Variants in CWC27 observed in about 807,000 individuals in gnomAD.
The protein encoded by CWC27 is CWC27 spliceosome associated cyclophilin.
CWC27 carries 47 observed loss-of-function variants against 63.6 expected under a neutral mutation model. The observed-to-expected ratio is 0.74, with a 90% CI of 0.58 to 0.94. The LOEUF (loss-of-function observed/expected upper bound fraction) is 0.94, where lower values mean the gene tolerates loss of function less well. CWC27 is among the 40% of genes least tolerant of loss of function. The pLI, the probability that CWC27 is intolerant of heterozygous loss-of-function variation, is 0.00. For synonymous variants in CWC27, 175 were observed against 179.8 expected (o/e 0.97, Z 0.22); for missense variants, 495 against 554.3 (o/e 0.89, Z 1.07).
At chr5:64,900,842 A>G (rs975081) in intron 11 of CWC27, among the ~76,000 whole-genome samples, 62,677 of 152,018 alleles carry the variant, frequency 0.41, 14,444 homozygotes, top group African/African-American at 0.62. Context: ...CTTACTCAAA[A>G]CTAGATAGTA....
intron 13 of CWC27, among the ~76,000 whole-genome samples, chr5:64,985,899 G>C (rs1357203775): frequency 2.0e-5 from 3 of 152,092 alleles, no homozygotes; most frequent in Admixed American, 1.3e-4. Context: ...ACCAGTGTAT[G>C]GTTTGGCTCT....
chr5:64,934,655 C>A (rs755600150), intron 11 of CWC27, among the ~76,000 whole-genome samples: 15 of 152,158 alleles, frequency 9.9e-5, no homozygotes, highest in Non-Finnish European at 1.6e-4. Context: ...ATTTCTGGTT[C>A]TAGATCCTTC....
intron 7 of CWC27, among the ~76,000 whole-genome samples, chr5:64,792,874 T>C (rs1166396959): frequency 6.6e-6 from 1 of 152,148 alleles, no homozygotes; most frequent in Non-Finnish European, 1.5e-5. Context: ...TCAATTTTCC[T>C]TTCTGAACAA....
chr5:65,015,486 C>A (rs1200580439), intron 13 of CWC27, among the ~76,000 whole-genome samples: 1 of 152,150 alleles, frequency 6.6e-6, no homozygotes, highest in Non-Finnish European at 1.5e-5. Flanking sequence ...ACACAGCCAG[C>A]CCGTAAGCAC....
intron 10 of CWC27, among the ~76,000 whole-genome samples, chr5:64,875,315 T>A (rs539525448): frequency 3.3e-5 from 5 of 152,302 alleles, no homozygotes; most frequent in African/African-American, 1.2e-4. Flanking sequence ...TCTCCTTTTC[T>A]TTCTAAATTA....
intron 10 of CWC27, among the ~76,000 whole-genome samples, chr5:64,809,883 A>G (rs1278296158): frequency 6.6e-6 from 1 of 152,138 alleles, no homozygotes; most frequent in Non-Finnish European, 1.5e-5. Context: ...TGCTGCGCAG[A>G]ACTTTTTTAG....
At chr5:64,913,570 CAA>C (rs2112381564) in intron 11 of CWC27, among the ~76,000 whole-genome samples, 1 of 151,798 alleles carries the variant, frequency 6.6e-6, no homozygotes, top group African/African-American at 2.4e-5. Context: ...ATGGAAATAA[CAA>C]AGATTTAGAA....
At chr5:64,872,166 CTT>C (rs1746689334) in intron 10 of CWC27, among the ~76,000 whole-genome samples, 1 of 152,000 alleles carries the variant, frequency 6.6e-6, no homozygotes, top group South Asian at 2.1e-4. Context: ...TGAAGGATGA[CTT>C]TGAGTTATGA....
At chr5:64,774,154 G>A (rs1285923180) in intron 1 of CWC27, among the ~76,000 whole-genome samples, 2 of 152,050 alleles carry the variant, frequency 1.3e-5, no homozygotes, top group African/African-American at 4.8e-5. Context: ...TTGGGGTTTT[G>A]TCATGTTTTA....
intron 13 of CWC27, among the ~76,000 whole-genome samples, chr5:64,984,410 T>TTGGC (rs951714841): frequency 6.6e-6 from 1 of 152,196 alleles, no homozygotes; most frequent in African/African-American, 2.4e-5. Context: ...AAAACAATGG[T>TTGGC]TGGCTATGTA....
chr5:64,824,383 G>A (rs996210006), intron 10 of CWC27, among the ~76,000 whole-genome samples: 58 of 152,236 alleles, frequency 3.8e-4, no homozygotes, highest in African/African-American at 1.4e-3. Flanking sequence ...TTAAGATATT[G>A]TTTTAGAAGA....
At chr5:64,995,807 T>G (rs1749620501) in intron 13 of CWC27, among the ~76,000 whole-genome samples, 1 of 152,224 alleles carries the variant, frequency 6.6e-6, no homozygotes, top group South Asian at 2.1e-4. Flanking sequence ...ACACTTATAT[T>G]TTTACTTTGA....
At chr5:64,839,863 G>A (rs950996895) in intron 10 of CWC27, among the ~76,000 whole-genome samples, 19 of 152,058 alleles carry the variant, frequency 1.2e-4, no homozygotes, top group African/African-American at 4.6e-4. Flanking sequence ...AAAAGAAGTG[G>A]CAACTTGACA....
intron 11 of CWC27, among the ~76,000 whole-genome samples, chr5:64,970,517 T>TA (rs1749105637): frequency 6.6e-6 from 1 of 152,170 alleles, no homozygotes; most frequent in African/African-American, 2.4e-5. Context: ...CGGCCGAAAG[T>TA]AATTTTTAAA....
intron 10 of CWC27, among the ~76,000 whole-genome samples, chr5:64,828,817 T>G (rs1745435803): frequency 6.6e-6 from 1 of 152,232 alleles, no homozygotes; most frequent in South Asian, 2.1e-4. Flanking sequence ...ACTCACCAGT[T>G]TACAACAACA....
In CWC27 at chr5:64,951,013, C is replaced by G. The variant is rs535384744; in HGVS notation, c.1043-20690C>G. On this transcript the variant is annotated intron_variant, in intron 11 of 13. Transcript: ENST00000381070. ...GTATACCATAATATGTTTATCCATC[C>G]ATCAGTTGATGAATACTTATGTTAC... Among the ~76,000 whole-genome samples, 4 of 151,906 alleles carry G rather than the reference C, an allele frequency of 2.6e-5. No individual in the cohort carries two copies. The East Asian group carries it at 7.7e-4, about 29-fold the overall frequency.
At chr5:64,788,473 A>T (rs1452470547) in intron 6 of CWC27, among the ~76,000 whole-genome samples, 1 of 151,984 alleles carries the variant, frequency 6.6e-6, no homozygotes, top group South Asian at 2.1e-4. Context: ...TTAGTTGTTC[A>T]TTGCTCATAT....
intron 11 of CWC27, among the ~76,000 whole-genome samples, chr5:64,907,282 A>T (rs1202677879): frequency 6.6e-6 from 1 of 152,144 alleles, no homozygotes; most frequent in African/African-American, 2.4e-5. Context: ...CACGATATTG[A>T]TTCTTCCTAT....
chr5:64,788,057 A>G (rs927371863), intron 6 of CWC27, among the ~76,000 whole-genome samples: 6 of 152,160 alleles, frequency 3.9e-5, no homozygotes, highest in Non-Finnish European at 7.4e-5. Flanking sequence ...ACACTTTAAT[A>G]AGCAGTTAAT....
Sources: gnomAD v4.1 joint callset for allele counts (sites outside exome capture counted in the v4.1 genomes callset) on GRCh38, gnomAD v4.1.1 for gene constraint, MANE v1.5 for transcripts, NCBI Gene and HGNC (gene_info 2026-07-23, HGNC 2026-07-21) for gene names.